ANKRD26: variants seen among roughly 807,000 people sequenced by gnomAD.
ANKRD26 encodes ankyrin repeat domain-containing protein 26.
ANKRD26 carries 141 observed loss-of-function variants against 208.7 expected under a neutral mutation model. That is an observed-to-expected ratio of 0.68 (90% CI 0.59 to 0.78). The LOEUF is 0.78. ANKRD26 is among the 30% of genes least tolerant of loss of function. ANKRD26 has a pLI of 0.00. For synonymous variants in ANKRD26, 636 were observed against 660.4 expected (o/e 0.96, Z 0.57); for missense variants, 1,889 against 1,938.7 (o/e 0.97, Z 0.48).
At chr10:26,968,251 A>G in the ANKRD26 span, among the ~76,000 whole-genome samples, 1 of 152,150 alleles carries the variant, frequency 6.6e-6, no homozygotes, top group Non-Finnish European at 1.5e-5. Context: ...TGGAAAGACT[A>G]TTCTTAAAAT....
intron 16 of ANKRD26, chr10:27,051,268 A>G: frequency 1.6e-6 from 2 of 1,289,584 alleles, no homozygotes; most frequent in Non-Finnish European, 2.0e-6. Context: ...TGATCATATA[A>G]TGGCTTCTGG....
intron 5 of ANKRD26, among the ~76,000 whole-genome samples, chr10:27,083,980 T>G (rs764413824): frequency 6.6e-6 from 1 of 152,080 alleles, no homozygotes; most frequent in South Asian, 2.1e-4. Flanking sequence ...TTTGGGAGGC[T>G]GAGGCGGGCA....
At chr10:27,044,290 T>C in intron 18 of ANKRD26, 100 bp from the exon 19 acceptor site, 1 of 1,066,252 alleles carries the variant, frequency 9.4e-7, no homozygotes, top group East Asian at 3.4e-5. Flanking sequence ...GCATTTGTAA[T>C]TTATTTACCC....
intron 5 of ANKRD26, among the ~76,000 whole-genome samples, chr10:26,993,029 C>T (rs999818244): frequency 3.3e-5 from 5 of 152,060 alleles, no homozygotes; most frequent in Non-Finnish European, 5.9e-5. Flanking sequence ...TCATTTAGGA[C>T]CTTTTGGGTA....
Position 27,007,533 on chromosome 10 carries a change from C to G in ANKRD26, c.4954-571G>C, listed in dbSNP as rs536856040. On this transcript the variant is annotated intron_variant, in intron 32 of 33. Coordinates refer to ENST00000376087, the MANE Select transcript of ANKRD26 (RefSeq NM_014915.3). The stretch of plus-strand genomic sequence containing the variant: ...TAGCCAGATATGGTGCCTTGTACCT[C>G]TAGTCCCAGCTACTTGGGAGGCGGA... 5.3e-5 allele frequency among the ~76,000 whole-genome samples: 8 copies of G among 152,200 alleles called. No individual in the cohort carries two copies. In the South Asian group the frequency reaches 1.7e-3, roughly 32 times the overall value.
At chr10:27,027,544 T>C (rs1381881433) in intron 27 of ANKRD26, among the ~76,000 whole-genome samples, 1 of 152,184 alleles carries the variant, frequency 6.6e-6, no homozygotes, top group South Asian at 2.1e-4. Context: ...AAACAAAATG[T>C]ATATAAAAAA....
chr10:26,953,809 T>A, the ANKRD26 span, among the ~76,000 whole-genome samples: 1 of 152,210 alleles, frequency 6.6e-6, no homozygotes, highest in East Asian at 1.9e-4. Flanking sequence ...GGGTTTAATA[T>A]GCCTGAAATA....
chr10:27,067,194 CAA>C lies in ANKRD26; in HGVS notation c.1168_1169del (p.Leu390AspfsTer4), dbSNP rs1286229991. 3 of 1,613,684 alleles carry C rather than the reference CAA, an allele frequency of 1.9e-6. No homozygotes were observed. The African/African-American group carries it at 4.0e-5, about 22-fold the overall frequency. ...TTTTGTGCACTTCATCAACATAAGT[CAA>C]ATTGTCATTATTTGTTTGCTCTAGT... ...APLEQTNNDNLTYVDEVHKNN... is the reference protein window; with the variant it reads ...APLEQTNNDNXTYVDEVHKNN... On this transcript the variant is annotated frameshift_variant, in exon 10 of 34. Coordinates refer to ENST00000376087, the MANE Select transcript of ANKRD26 (RefSeq NM_014915.3). LOFTEE classifies it high-confidence loss of function.
Position 26,999,085 on chromosome 10 carries a change from C to T in ANKRD26, c.563-3938G>A, listed in dbSNP as rs554272962. Among the ~76,000 whole-genome samples, 20 of 152,284 alleles carry T rather than the reference C, an allele frequency of 1.3e-4. No individual in the cohort carries two copies. In the South Asian group the frequency reaches 3.9e-3, roughly 30 times the overall value. Reference sequence around the variant, plus strand: ...GTAAGGAGATGAGGCAATCTTCCCCCATTTTGCTCCTCTCCAGATATCACT... The same window carrying T: ...GTAAGGAGATGAGGCAATCTTCCCCTATTTTGCTCCTCTCCAGATATCACT... On this transcript the variant is annotated intron_variant, in intron 4 of 5. Transcript: ENST00000445828.
rs750510948 is a variant in ANKRD26 at position 27,092,418 on chromosome 10, T to C, written c.626A>G (p.Asp209Gly). Residue 209 changes from aspartate (D) to glycine (G), a missense_variant, in exon 4 of 34, where the codon GAT becomes GGT. Asp to Gly is a moderately conservative substitution (Grantham distance 94). Around this residue, in one of 3 missense-constraint regions of ANKRD26, gnomAD observed 1,272 missense variants for 1,273.8 expected, o/e 1.00. Transcript: ENST00000376087. ...IKKKANVNAV[D>G]KLESSHQLIS... The stretch of plus-strand genomic sequence containing the variant: ...CCAGCTACTGTACCTTTCCAACTTA[T>C]CTACTGCATTTACATTTGCTTTTTT... 6.2e-7 allele frequency: 1 copy of C among 1,609,004 alleles called. No individual in the cohort carries two copies. Among genetic ancestry groups the C allele is most frequent in the South Asian group, 1.1e-5 (1 of 90,908 alleles).
downstream of ANKRD26, among the ~76,000 whole-genome samples, chr10:26,971,957 C>CG (rs1225995434): frequency 6.6e-6 from 1 of 151,914 alleles, no homozygotes; most frequent in Non-Finnish European, 1.5e-5. Context: ...GTCCAGTGGC[C>CG]GGGCGCAGTG....
At chr10:26,966,503 G>A in the ANKRD26 span, among the ~76,000 whole-genome samples, 1 of 152,074 alleles carries the variant, frequency 6.6e-6, no homozygotes, top group African/African-American at 2.4e-5. Context: ...TGAGGGGAGG[G>A]AACTTAGAGG....
intron 20 of ANKRD26, among the ~76,000 whole-genome samples, chr10:27,040,769 C>T (rs2054208431): frequency 6.6e-6 from 1 of 152,122 alleles, no homozygotes; most frequent in South Asian, 2.1e-4. Context: ...GTGGGTCACA[C>T]CTGTAATCCC....
chr10:26,951,024 T>C, the ANKRD26 span, among the ~76,000 whole-genome samples: 6 of 67,904 alleles, frequency 8.8e-5, no homozygotes, highest in Non-Finnish European at 5.3e-5. Context: ...TTTTTCTTTT[T>C]TTTTTTTTTT....
intron 27 of ANKRD26, among the ~76,000 whole-genome samples, chr10:27,025,916 T>C (rs2053643799): frequency 6.6e-6 from 1 of 152,230 alleles, no homozygotes; most frequent in African/African-American, 2.4e-5. Flanking sequence ...CTTTTGTAGG[T>C]AGCTAATCTT....
downstream of ANKRD26, among the ~76,000 whole-genome samples, chr10:26,972,625 C>G (rs960865681): frequency 2.8e-5 from 4 of 140,804 alleles, no homozygotes; most frequent in East Asian, 8.6e-4. Flanking sequence ...GAGTCTCACT[C>G]TGTCGCCCAG....
chr10:26,970,259 T>C (rs2052124229), downstream of ANKRD26, among the ~76,000 whole-genome samples: 3 of 152,192 alleles, frequency 2.0e-5, no homozygotes, highest in South Asian at 2.1e-4. Flanking sequence ...TAATCTTCAG[T>C]ATTGGAGGTG....
intron 15 of ANKRD26, among the ~76,000 whole-genome samples, 160 bp from the exon 16 acceptor site, chr10:27,053,550 C>T (rs529959251): frequency 3.3e-5 from 5 of 152,302 alleles, no homozygotes; most frequent in Non-Finnish European, 7.4e-5. Context: ...GTCGCCCTAG[C>T]TGGAGTGCAG....
rs377720920 is a variant in ANKRD26, at chr10:27,041,733, G to A, written c.2162-1555C>T. Among the ~76,000 whole-genome samples, 55 of 151,730 alleles carry A rather than the reference G, an allele frequency of 3.6e-4. No homozygotes were observed. The South Asian group carries it at 9.2e-3, about 25-fold the overall frequency. On this transcript the variant is annotated intron_variant, in intron 20 of 33. Coordinates refer to ENST00000376087, the MANE Select transcript of ANKRD26 (RefSeq NM_014915.3). ...TAACTTTGAGACATCAATGAACTAC[G>A]GAAAAAAATCCAAGCAGCTAATATA...
Sources: allele counts gnomAD v4.1 joint callset (sites outside exome capture counted in the v4.1 genomes callset), GRCh38; gene constraint gnomAD v4.1.1; regional missense constraint gnomAD v4.1.1; transcripts MANE v1.5; gene names NCBI Gene and HGNC (gene_info 2026-07-23, HGNC 2026-07-21).